Variants in MGAT5B observed in about 807,000 individuals in gnomAD.
The protein encoded by MGAT5B is alpha-1,6-mannosylglycoprotein 6-beta-N-acetylglucosaminyltransferase B, also known as N-acetylglucosaminyl-transferase Vb.
Under a neutral mutation model 95.1 loss-of-function variants are expected in MGAT5B, and 54 were observed. The ratio of observed to expected loss-of-function variants is 0.57; its 90% CI spans 0.46 to 0.71. MGAT5B has a LOEUF of 0.71. Ranked by LOEUF, MGAT5B falls within the 30% of genes least tolerant of loss-of-function variation. The probability of loss-of-function intolerance (pLI) is 0.00; values close to 1 mark genes in which losing one functional copy is unlikely to be tolerated. For missense variants in MGAT5B, 935 were observed against 1,088.6 expected, an observed-to-expected ratio of 0.86 and a Z score of 1.99; for synonymous variants, 464 against 451.0, an observed-to-expected ratio of 1.03 and a Z score of -0.36.
At chr17:76,931,385 C>T (rs1969471464) in intron 10 of MGAT5B, among the ~76,000 whole-genome samples, 1 of 152,240 alleles carries the variant, frequency 6.6e-6, no homozygotes, top group South Asian at 2.1e-4. Context: ...GCATGAGCCA[C>T]CACACCTGGC....
chr17:76,883,591 G>A (rs1468124879), intron 3 of MGAT5B, among the ~76,000 whole-genome samples: 2 of 152,178 alleles, frequency 1.3e-5, no homozygotes, highest in African/African-American at 4.8e-5. Context: ...CCCTAGAGGT[G>A]GATGTGGAAG....
intron 8 of MGAT5B, among the ~76,000 whole-genome samples, chr17:76,922,264 G>T (rs1969144516): frequency 6.6e-6 from 1 of 152,182 alleles, no homozygotes; most frequent in African/African-American, 2.4e-5. Context: ...GTATTTTCAG[G>T]ATTGTCTTAA....
rs1464794366 is a variant in MGAT5B at position 76,870,374 on chromosome 17, T to TGGGAAGCAGGGC, written c.68+1288_68+1299dup. Among the ~76,000 whole-genome samples the TGGGAAGCAGGGC allele has an allele frequency of 1.1e-4, 17 of 152,022 alleles. No individual in the cohort carries two copies. Among genetic ancestry groups the TGGGAAGCAGGGC allele is most frequent in the Admixed American group, 5.9e-4 (9 of 15,298 alleles). ...TGGTGATGGGGGCGTCGGGAGCCCA[T>TGGGAAGCAGGGC]GGGAAGCAGGGCGGGAAGCAGGCGT... is the stretch of plus-strand genomic sequence containing the variant. On this transcript the variant is annotated intron_variant, in intron 1 of 17. Transcript: ENST00000569840. This position sits in a 1 kb window ranked among gnomAD's most constrained non-coding sequence, Gnocchi z 5.0.
At chr17:76,902,693 A>C in intron 4 of MGAT5B, 23 bp downstream of exon 4, 1 of 1,476,340 alleles carries the variant, frequency 6.8e-7, no homozygotes, top group South Asian at 1.2e-5. Flanking sequence ...GGGCGGGGGT[A>C]CCCTCTACCC....
chr17:76,871,626 C>T (rs1438785388), intron 1 of MGAT5B, among the ~76,000 whole-genome samples: 2 of 152,302 alleles, frequency 1.3e-5, no homozygotes, highest in East Asian at 3.9e-4. Context: ...GATTAAAATG[C>T]ATAAAGCAAG....
chr17:76,926,871 C>T (rs1294663912), intron 10 of MGAT5B, 141 bp downstream of exon 10: 3 of 1,021,252 alleles, frequency 2.9e-6, no homozygotes, highest in Non-Finnish European at 4.3e-6. Context: ...GCAAGCATCG[C>T]CTTCTCCTGC....
chr17:76,949,094 G>A lies in MGAT5B; in HGVS notation c.*256G>A, dbSNP rs1436164121. On this transcript the variant is annotated 3_prime_UTR_variant, in exon 18 of 18. Coordinates refer to ENST00000569840, the MANE Select transcript of MGAT5B (RefSeq NM_001199172.2). ...TCACAGAAGCATCGTGGCCAAGCAG[G>A]TGTCGGACTGCTCAGAGTCCGCATG... The A allele has an allele frequency of 1.8e-6, 1 of 552,652 alleles. No individual in the cohort carries two copies. The highest frequency in any genetic ancestry group is 3.2e-5 in the Admixed American group (1 of 31,506). 34.2% of individuals were successfully genotyped at this position (552,652 alleles called of 1,614,324 possible). A position where few individuals can be genotyped will look rare whatever the true frequency, so the allele number is the denominator to read the frequency against.
At chr17:76,881,119 T>C (rs1362540474) in intron 2 of MGAT5B, among the ~76,000 whole-genome samples, 1 of 152,068 alleles carries the variant, frequency 6.6e-6, no homozygotes, top group Non-Finnish European at 1.5e-5. Context: ...GGAGGGGCAA[T>C]GTGAAGCCTT....
chr17:76,923,072 G>A (rs541364485), intron 8 of MGAT5B, among the ~76,000 whole-genome samples: 3 of 152,336 alleles, frequency 2.0e-5, no homozygotes, highest in African/African-American at 7.2e-5. Flanking sequence ...CTGTCGGCAG[G>A]TGACCAGAAA....
chr17:76,883,278 G>T (rs761866581), intron 3 of MGAT5B, among the ~76,000 whole-genome samples: 6 of 152,144 alleles, frequency 3.9e-5, no homozygotes, highest in Non-Finnish European at 7.4e-5. Context: ...GGGATTACAG[G>T]CATGAGCCAC....
At position 76,932,786 on chromosome 17, in the gene MGAT5B, C is replaced by G; in HGVS notation, c.1422+11C>G. The G allele has an allele frequency of 6.2e-7, 1 of 1,612,698 alleles. No homozygotes were observed. The highest frequency in any genetic ancestry group is 8.5e-7 in the Non-Finnish European group (1 of 1,179,536). Reference sequence around the variant, plus strand: ...GCGAGCATCTGGAAGGTGAGCGCGGCCCCTGCGCGCGGGAAGCACCAGCCT... The same window carrying G: ...GCGAGCATCTGGAAGGTGAGCGCGGGCCCTGCGCGCGGGAAGCACCAGCCT... On this transcript the variant is annotated intron_variant, in intron 11 of 17. Transcript: ENST00000569840.
Position 76,882,290 on chromosome 17 carries a change from C to G in MGAT5B, c.321C>G (p.Pro107=). ...LHRAGGDLHF[P]ADRMPPGAGL... is the part of the protein sequence containing the mutation. ...GGGCCGGCGGCGACCTGCACTTTCC[C>G]GCAGACAGGTGAGGGGACGTGGGGA... is the stretch of plus-strand genomic sequence containing the variant. The change falls in exon 3 of 18, where the codon CCC becomes CCG. Residue 107 remains proline (P), a synonymous_variant. Transcript: ENST00000569840. The G allele has an allele frequency of 1.9e-6, 3 of 1,611,100 alleles. No homozygotes were observed. Among genetic ancestry groups the G allele is most frequent in the Non-Finnish European group, 2.5e-6 (3 of 1,179,118 alleles).
rs948880629 is a variant in MGAT5B at position 76,868,707 on chromosome 17, G to A, written c.-323G>A. On this transcript the variant is annotated 5_prime_UTR_variant, in exon 1 of 18. Transcript: ENST00000569840. This position sits in a 1 kb window ranked among gnomAD's most constrained non-coding sequence, Gnocchi z 6.3. The stretch of plus-strand genomic sequence containing the variant: ...CGTCTGCGCGCCGCGGCACCTTCCC[G>A]CCCAGCGAGCGAGCCCGAGCAGGCA... 10 of 159,008 alleles carry A rather than the reference G, an allele frequency of 6.3e-5. No individual in the cohort carries two copies. Among genetic ancestry groups the A allele is most frequent in the Middle Eastern group, 2.9e-3 (1 of 340 alleles). The allele number at this position is 159,008 out of a possible 1,614,324, so 9.8% of individuals were successfully genotyped here. A position where few individuals can be genotyped will look rare whatever the true frequency, so the allele number is the denominator to read the frequency against.
In MGAT5B at chr17:76,917,797, G is replaced by A. The variant is rs1325079197; in HGVS notation, c.1026-7169G>A. ...ACCCGAGGAGCTGAAAATAATCCCC[G>A]ACGCCCAGGCCCCAGCCCGGAGCAA... On this transcript the variant is annotated intron_variant, in intron 8 of 17. Coordinates refer to ENST00000569840, the MANE Select transcript of MGAT5B (RefSeq NM_001199172.2). This position sits in a 1 kb window ranked among gnomAD's most constrained non-coding sequence, Gnocchi z 6.1. Among the ~76,000 whole-genome samples the A allele has an allele frequency of 2.0e-5, 3 of 152,146 alleles. No homozygotes were observed. The highest frequency in any genetic ancestry group is 4.8e-5 in the African/African-American group (2 of 41,432).
Position 76,923,576 on chromosome 17 carries a change from TC to T in MGAT5B, c.1026-1384del, listed in dbSNP as rs531949457. ...GCACGTGGCCTTCTCTGCTTGGGCA[TC>T]CCCCCTGCCCATCCCTCCACCAATG... On this transcript the variant is annotated intron_variant, in intron 8 of 17. Transcript: ENST00000569840. 7.9e-5 allele frequency among the ~76,000 whole-genome samples: 12 copies of T among 151,758 alleles called. No homozygotes were observed. In the South Asian group the frequency reaches 2.3e-3, roughly 29 times the overall value.
At chr17:76,873,009 G>C in intron 2 of MGAT5B, 46 bp downstream of exon 2, 1 of 1,600,778 alleles carries the variant, frequency 6.2e-7, no homozygotes. Flanking sequence ...GAGGGCGTTT[G>C]TGGGTCAAAG....
chr17:76,879,773 G>C (rs1967337996), intron 2 of MGAT5B, among the ~76,000 whole-genome samples: 1 of 152,220 alleles, frequency 6.6e-6, no homozygotes, highest in Non-Finnish European at 1.5e-5. Flanking sequence ...TCTGAAACGA[G>C]AGTGATCTGA....
Position 76,938,111 on chromosome 17 carries a change from C to G in MGAT5B, c.1552C>G (p.Pro518Ala), listed in dbSNP as rs1969735445. ...GAAGAACCACGGCCTCTTACCGCAG[C>G]CTGAGTTTCAGCAGCTGCTGCGCAA... is the stretch of plus-strand genomic sequence containing the variant. ...FVKNHGLLPQ[P>A]EFQQLLRKAK... Residue 518 changes from proline to alanine, a missense_variant, in exon 13 of 18, where the codon CCT becomes GCT. Around this residue, in one of 4 missense-constraint regions of MGAT5B, gnomAD observed 440 missense variants for 523.6 expected, o/e 0.84. Transcript: ENST00000569840. The surrounding 1 kb of genome is among the most constrained non-coding windows in gnomAD (Gnocchi z 4.3). 2 of 1,614,248 alleles carry G rather than the reference C, an allele frequency of 1.2e-6. No homozygotes were observed. The highest frequency in any genetic ancestry group is 1.7e-6 in the Non-Finnish European group (2 of 1,180,036).
Position 76,938,228 on chromosome 17 carries a change from G to GCCCCTTCCACATATGGACATA in MGAT5B, c.1584+90_1584+110dup. On this transcript the variant is annotated intron_variant, in intron 13 of 17. Coordinates refer to ENST00000569840, the MANE Select transcript of MGAT5B (RefSeq NM_001199172.2). The surrounding 1 kb of genome is among the most constrained non-coding windows in gnomAD (Gnocchi z 4.3). The stretch of plus-strand genomic sequence containing the variant: ...ACCCATGCCTGCCACCACCACTCAG[G>GCCCCTTCCACATATGGACATA]CCCCTTCCACATATGGACATACCCC... The GCCCCTTCCACATATGGACATA allele has an allele frequency of 6.5e-7, 1 of 1,533,716 alleles. No individual in the cohort carries two copies. Among genetic ancestry groups the GCCCCTTCCACATATGGACATA allele is most frequent in the Non-Finnish European group, 8.9e-7 (1 of 1,124,762 alleles).
Sources: gnomAD v4.1 joint callset for allele counts (sites outside exome capture counted in the v4.1 genomes callset) on GRCh38, gnomAD v4.1.1 for gene constraint, gnomAD v4.1.1 regional missense constraint, Gnocchi (gnomAD v3.1) non-coding constraint, MANE v1.5 for transcripts, NCBI Gene and HGNC (gene_info 2026-07-23, HGNC 2026-07-21) for gene names.